Variants in COL4A2 observed in about 807,000 individuals in gnomAD.
COL4A2 encodes the protein collagen alpha-2(IV) chain.
Under a neutral mutation model 200.2 loss-of-function variants are expected in COL4A2, and 99 were observed. The ratio of observed to expected loss-of-function variants is 0.49; its 90% confidence interval spans 0.42 to 0.58. COL4A2 has a LOEUF of 0.58. Among genes scored for constraint, COL4A2 ranks in the 20% least tolerant of loss-of-function variants. COL4A2 has a pLI of 0.00. For synonymous variants in COL4A2, 897 were observed against 900.6 expected (o/e 1.00, Z 0.07); for missense variants, 1,950 against 2,314.1 (o/e 0.84, Z 3.23).
chr13:110,449,794 T>A lies in COL4A2; in HGVS notation c.1189+5T>A. On this transcript the variant is annotated splice_donor_5th_base_variant and intron_variant, in intron 19 of 47. Transcript: ENST00000360467. ...GCCTCTCCATCGGAGATGGAGGTAA[T>A]GTGGCTTCATAATATCAACACCGGA... The A allele has an allele frequency of 1.3e-6, 2 of 1,546,826 alleles. No homozygotes were observed. Among genetic ancestry groups the A allele is most frequent in the Non-Finnish European group, 1.7e-6 (2 of 1,146,244 alleles).
chr13:110,372,333 C>T (rs1878048412), intron 4 of COL4A2, among the ~76,000 whole-genome samples: 1 of 152,180 alleles, frequency 6.6e-6, no homozygotes, highest in Non-Finnish European at 1.5e-5. Context: ...TCTCTGAACA[C>T]CAAGTCAGGT....
Position 110,495,402 on chromosome 13 carries a change from G to C in COL4A2, c.3695G>C (p.Gly1232Ala), listed in dbSNP as rs1442002576. The C allele has an allele frequency of 5.6e-6, 9 of 1,613,990 alleles. No individual in the cohort carries two copies. Among genetic ancestry groups the C allele is most frequent in the South Asian group, 1.1e-5 (1 of 91,084 alleles). ...PGPPGERGDP[G>A]EANTLPGPVG... ...CCTCCTGGGGAAAGAGGTGACCCAG[G>C]AGAGGCCAACACCCTTCCAGGCCCT... The change falls in exon 40 of 48, where the codon GGA becomes GCA. Residue 1232 changes from glycine (G) to alanine (A), a missense_variant. Transcript: ENST00000360467.
At chr13:110,454,606 G>A (rs931393476) in intron 20 of COL4A2, among the ~76,000 whole-genome samples, 2 of 152,082 alleles carry the variant, frequency 1.3e-5, no homozygotes, top group African/African-American at 4.8e-5. Context: ...GCAGTGCGGG[G>A]TGCGGCCGCC....
chr13:110,307,378 T>G lies in COL4A2; in HGVS notation c.-195T>G. 4.3e-6 allele frequency: 1 copy of G among 232,430 alleles called. No homozygotes were observed. The highest frequency in any genetic ancestry group is 8.3e-6 in the Non-Finnish European group (1 of 121,132). The allele number at this position is 232,430 out of a possible 1,614,324, so 14.4% of individuals were successfully genotyped here. ...CCCCTCGCGCCCGCGCGTTCGCGGA[T>G]CCAGGCCGAGGACCGAAAGGGGCCG... On this transcript the variant is annotated 5_prime_UTR_variant, in exon 1 of 48. Transcript: ENST00000360467. The surrounding 1 kb of genome is among the most constrained non-coding windows in gnomAD (Gnocchi z 5.0).
At chr13:110,502,775 G>C (rs1266082442) in intron 41 of COL4A2, 32 of 225,762 alleles carry the variant, frequency 1.4e-4, no homozygotes, top group Non-Finnish European at 2.7e-4. Flanking sequence ...CAAATTCATA[G>C]AAACAGAAAG....
chr13:110,364,377 G>A (rs1170971120), intron 4 of COL4A2, among the ~76,000 whole-genome samples: 2 of 152,122 alleles, frequency 1.3e-5, no homozygotes, highest in African/African-American at 4.8e-5. Context: ...CTCCAAACTG[G>A]CCCATTATCT....
chr13:110,468,414 G>C, intron 27 of COL4A2: 1 of 445,558 alleles, frequency 2.2e-6, no homozygotes, highest in South Asian at 1.7e-5. Flanking sequence ...GGGAGAACCA[G>C]AGGCCAGCAC....
intron 15 of COL4A2, 108 bp downstream of exon 15, chr13:110,438,776 A>G (rs1322575060): frequency 7.2e-7 from 1 of 1,385,284 alleles, no homozygotes; most frequent in Admixed American, 1.8e-5. Flanking sequence ...AGCAGAAAGT[A>G]TAGAGATTTC....
chr13:110,478,028 A>G lies in COL4A2; in HGVS notation c.2451A>G (p.Pro817=). 4.4e-6 allele frequency: 7 copies of G among 1,580,920 alleles called. No homozygotes were observed. Among genetic ancestry groups the G allele is most frequent in the South Asian group, 2.3e-5 (2 of 87,388 alleles). Reference sequence around the variant, plus strand: ...GAAGCCAAGGGATGCCTGGGATGCCAGGGCTGAAGGGCCAGCCAGGCCTCC... The same window carrying G: ...GAAGCCAAGGGATGCCTGGGATGCCGGGGCTGAAGGGCCAGCCAGGCCTCC... ...FRGSQGMPGM[P]GLKGQPGLPG... is the part of the protein sequence containing the mutation. The change falls in exon 30 of 48, where the codon CCA becomes CCG. Residue 817 remains proline (P), a synonymous_variant. Coordinates refer to ENST00000360467, the MANE Select transcript of COL4A2 (RefSeq NM_001846.4).
intron 34 of COL4A2, among the ~76,000 whole-genome samples, chr13:110,488,372 T>C (rs900314874): frequency 2.6e-4 from 39 of 152,284 alleles, no homozygotes; most frequent in Non-Finnish European, 4.7e-4. Context: ...TGCTTGTACA[T>C]TGATGCTGTA....
chr13:110,340,638 T>C (rs7336547), intron 3 of COL4A2, among the ~76,000 whole-genome samples: 144,527 of 152,260 alleles, frequency 0.95, 69,060 homozygotes, highest in Middle Eastern at 1. Context: ...TCCAGTCTTT[T>C]GGGGCAGCTG....
At chr13:110,491,998 C>A in intron 37 of COL4A2, 72 bp from the exon 38 acceptor site, 1 of 1,365,648 alleles carries the variant, frequency 7.3e-7, no homozygotes, top group Non-Finnish European at 9.9e-7. Context: ...GGCTGCCCCT[C>A]CTGCCAGGAC....
intron 15 of COL4A2, among the ~76,000 whole-genome samples, chr13:110,439,160 G>T (rs1566533788): frequency 2.6e-5 from 4 of 152,178 alleles, no homozygotes; most frequent in Admixed American, 1.3e-4. Flanking sequence ...CCCCAGCCTG[G>T]ACTGACCCCA....
At chr13:110,331,501 GC>G (rs1326703653) in intron 3 of COL4A2, among the ~76,000 whole-genome samples, 1 of 152,182 alleles carries the variant, frequency 6.6e-6, no homozygotes, top group African/African-American at 2.4e-5. Context: ...TCGTTACTGG[GC>G]CGCTGACTTC....
intron 32 of COL4A2, among the ~76,000 whole-genome samples, chr13:110,484,393 G>A (rs1000944159): frequency 3.9e-5 from 6 of 152,002 alleles, no homozygotes; most frequent in East Asian, 3.9e-4. Flanking sequence ...ACAGTTTCCC[G>A]CCCGGCCCGC....
intron 16 of COL4A2, among the ~76,000 whole-genome samples, chr13:110,440,611 A>G (rs1881083155): frequency 2.0e-5 from 3 of 152,144 alleles, no homozygotes; most frequent in South Asian, 2.1e-4. Context: ...TAATAATAAT[A>G]ATGATAAAAT....
At chr13:110,415,810 C>T (rs968840380) in intron 4 of COL4A2, among the ~76,000 whole-genome samples, 3 of 152,200 alleles carry the variant, frequency 2.0e-5, no homozygotes, top group African/African-American at 7.2e-5. Flanking sequence ...CTGCTTCCAC[C>T]TGGGGCAGAC....
intron 4 of COL4A2, among the ~76,000 whole-genome samples, chr13:110,398,385 G>A (rs138696427): frequency 2.5e-3 from 384 of 152,288 alleles, no homozygotes; most frequent in Admixed American, 6.9e-3. Context: ...TGAGCTGGGC[G>A]CAGTGGCTCA....
At position 110,504,128 on chromosome 13, in the gene COL4A2, G is replaced by C; in HGVS notation, c.4286-20G>C. 1 of 1,610,882 alleles carries C rather than the reference G, an allele frequency of 6.2e-7. No individual in the cohort carries two copies. The highest frequency in any genetic ancestry group is 8.5e-7 in the Non-Finnish European group (1 of 1,177,080). ...GGCGTGGTCAGTTTCCAGCCATAAC[G>C]CTTCTTTGGTGGCTTGCAGGTTTCC... On this transcript the variant is annotated intron_variant, in intron 44 of 47. Coordinates refer to ENST00000360467, the MANE Select transcript of COL4A2 (RefSeq NM_001846.4).
Sources: allele counts gnomAD v4.1 joint callset (sites outside exome capture counted in the v4.1 genomes callset), GRCh38; gene constraint gnomAD v4.1.1; non-coding constraint Gnocchi (gnomAD v3.1); transcripts MANE v1.5; gene names NCBI Gene and HGNC (gene_info 2026-07-23, HGNC 2026-07-21).